The following TEX10 variants were observed in gnomAD, a reference collection of about 807,000 sequenced individuals.
The protein encoded by TEX10 is testis expressed 10, also known as testis-expressed protein 10.
Under a neutral mutation model 104.4 loss-of-function variants are expected in TEX10, and 24 were observed. The observed-to-expected ratio is 0.23, with a 90% confidence interval of 0.17 to 0.32. The LOEUF is 0.32. Ranked by LOEUF, TEX10 falls within the 10% of genes least tolerant of loss-of-function variation. The pLI, the probability that TEX10 is intolerant of heterozygous loss-of-function variation, is 1.00. For missense variants in TEX10, 921 were observed against 1,083.9 expected (o/e 0.85, Z 2.11); for synonymous variants, 396 against 393.4 (o/e 1.01, Z -0.08).
At chr9:100,324,946 T>C (rs989257823) in intron 9 of TEX10, among the ~76,000 whole-genome samples, 1 of 152,146 alleles carries the variant, frequency 6.6e-6, no homozygotes, top group African/African-American at 2.4e-5. Context: ...GGGAAACTAA[T>C]CAATATTTAA....
At chr9:100,343,732 C>CGA (rs1835230618) in intron 4 of TEX10, among the ~76,000 whole-genome samples, 1 of 152,066 alleles carries the variant, frequency 6.6e-6, no homozygotes, top group Non-Finnish European at 1.5e-5. Context: ...TATATCTAAC[C>CGA]GAGACATCAA....
intron 11 of TEX10, among the ~76,000 whole-genome samples, chr9:100,312,367 C>A (rs1834302375): frequency 6.6e-6 from 1 of 152,010 alleles, no homozygotes. Flanking sequence ...AGAGGGGTGG[C>A]AGCAAAGGAA....
chr9:100,351,384 A>C lies in TEX10; in HGVS notation c.-10+1388T>G, dbSNP rs535180510. 3.6e-3 allele frequency among the ~76,000 whole-genome samples: 504 copies of C among 140,568 alleles called. 18 individuals carry two copies. The highest frequency in any genetic ancestry group is 0.012 in the African/African-American group (464 of 37,396). The allele number at this position is 140,568 out of a possible 152,430, so 92.2% of individuals were successfully genotyped here. A position where few individuals can be genotyped will look rare whatever the true frequency, so the allele number is the denominator to read the frequency against. ...GTCTTAAAAAACAAAACAAAACAAAAAAAAAAGCTGGGGGTCGGTGGGTGG... is the reference window on the plus strand; with the variant it reads ...GTCTTAAAAAACAAAACAAAACAAACAAAAAAGCTGGGGGTCGGTGGGTGG... On this transcript the variant is annotated intron_variant, in intron 1 of 14. Transcript: ENST00000374902.
intron 12 of TEX10, among the ~76,000 whole-genome samples, chr9:100,309,666 A>C (rs1834225550): frequency 6.6e-6 from 1 of 152,260 alleles, no homozygotes; most frequent in Admixed American, 6.5e-5. Context: ...GGATGTGCCT[A>C]TATTTTATCC....
chr9:100,329,081 C>A, intron 7 of TEX10, 59 bp downstream of exon 7: 1 of 1,468,444 alleles, frequency 6.8e-7, no homozygotes, highest in Non-Finnish European at 9.1e-7. Context: ...TATTTAAATA[C>A]TTAGACTACA....
At chr9:100,348,508 C>G (rs1484850588) in intron 2 of TEX10, among the ~76,000 whole-genome samples, 1 of 152,204 alleles carries the variant, frequency 6.6e-6, no homozygotes, top group East Asian at 1.9e-4. Context: ...CTATAATAAA[C>G]TATGTGCTGT....
intron 4 of TEX10, among the ~76,000 whole-genome samples, chr9:100,344,670 C>T (rs562973291): frequency 6.6e-6 from 1 of 152,256 alleles, no homozygotes; most frequent in Admixed American, 6.5e-5. Context: ...CATGGTAAAA[C>T]CCCGTCTCTA....
chr9:100,319,249 G>C (rs577104189), intron 11 of TEX10, among the ~76,000 whole-genome samples: 22 of 152,038 alleles, frequency 1.4e-4, no homozygotes, highest in African/African-American at 5.3e-4. Context: ...ACTTTTTAAA[G>C]TCAGTAGTTA....
chr9:100,327,676 A>T, intron 8 of TEX10, 111 bp downstream of exon 8: 2 of 676,636 alleles, frequency 3.0e-6, no homozygotes, highest in Non-Finnish European at 4.5e-6. Context: ...CCATGGTATT[A>T]CTAATTCAGA....
chr9:100,347,358 C>T lies in TEX10; in HGVS notation c.229G>A (p.Ala77Thr). ...HHYNAGVKQSALLGLKDLLSQ... is the reference protein window; with the variant it reads ...HHYNAGVKQSTLLGLKDLLSQ... ...AAAAGGTCTTTAAGTCCAAGAAGAG[C>T]ACTTTGTTTAACCCCAGCATTGTAG... is the stretch of plus-strand genomic sequence containing the variant. Residue 77 changes from alanine to threonine, a missense_variant, in exon 3 of 15, where the codon GCT becomes ACT. Physicochemically the swap from Ala to Thr is moderately conservative, Grantham distance 58. Transcript: ENST00000374902. 1 of 1,611,564 alleles carries T rather than the reference C, an allele frequency of 6.2e-7. No individual in the cohort carries two copies. The highest frequency in any genetic ancestry group is 8.5e-7 in the Non-Finnish European group (1 of 1,178,868).
At chr9:100,328,140 C>G (rs1400709434) in intron 7 of TEX10, among the ~76,000 whole-genome samples, 178 bp from the exon 8 acceptor site, 1 of 152,024 alleles carries the variant, frequency 6.6e-6, no homozygotes, top group Non-Finnish European at 1.5e-5. Context: ...CATCATTTTC[C>G]AAGGCTTTAC....
intron 1 of TEX10, 106 bp downstream of exon 1, chr9:100,352,666 C>T: frequency 2.1e-6 from 3 of 1,409,894 alleles, no homozygotes; most frequent in Non-Finnish European, 2.8e-6. Flanking sequence ...GCAAATCGTG[C>T]ACGGCCGACC....
intron 7 of TEX10, 25 bp from the exon 8 acceptor site, chr9:100,327,987 A>C (rs199968413): frequency 6.7e-7 from 1 of 1,489,482 alleles, no homozygotes; most frequent in East Asian, 2.3e-5. Context: ...AGAAGAATAA[A>C]ATGTAATACT....
chr9:100,319,695 A>G (rs1318674512), intron 11 of TEX10, among the ~76,000 whole-genome samples: 1 of 152,040 alleles, frequency 6.6e-6, no homozygotes, highest in Non-Finnish European at 1.5e-5. Context: ...AATCCCAGCT[A>G]CTTGGGAGGC....
chr9:100,347,289 A>C lies in TEX10; in HGVS notation c.298T>G (p.Leu100Val). The C allele has an allele frequency of 6.2e-7, 1 of 1,614,176 alleles. No individual in the cohort carries two copies. The highest frequency in any genetic ancestry group is 8.5e-7 in the Non-Finnish European group (1 of 1,180,012). The stretch of plus-strand genomic sequence containing the variant: ...GTAAACACAGCAGTCACTTCACTTA[A>C]TATGTTTGAAAGGTGTGCATCAATT... ...FIIDAHLSNILSEVTAVFTDK... is the reference protein window; with the variant it reads ...FIIDAHLSNIVSEVTAVFTDK... Residue 100 changes from leucine to valine, a missense_variant, in exon 3 of 15, where the codon TTA becomes GTA. By Grantham distance (32) the Leu-to-Val change is conservative. Coordinates refer to ENST00000374902, the MANE Select transcript of TEX10 (RefSeq NM_017746.4).
At chr9:100,344,728 C>A (rs1334253324) in intron 4 of TEX10, among the ~76,000 whole-genome samples, 2 of 152,174 alleles carry the variant, frequency 1.3e-5, no homozygotes, top group African/African-American at 4.8e-5. Context: ...CACCTGTAAG[C>A]CTAGCTACTC....
intron 4 of TEX10, among the ~76,000 whole-genome samples, chr9:100,341,486 T>C (rs1216913272): frequency 1.4e-5 from 2 of 147,090 alleles, no homozygotes; most frequent in African/African-American, 5.1e-5. Context: ...ATGACTTTCT[T>C]TCTCATTTGG....
chr9:100,347,707 C>G (rs1034595922), intron 2 of TEX10, among the ~76,000 whole-genome samples: 1 of 152,126 alleles, frequency 6.6e-6, no homozygotes, highest in African/African-American at 2.4e-5. Context: ...TGAAAACCTA[C>G]TAGGTACCAA....
At chr9:100,318,261 C>G (rs1208618016) in intron 11 of TEX10, among the ~76,000 whole-genome samples, 1 of 152,180 alleles carries the variant, frequency 6.6e-6, no homozygotes, top group Non-Finnish European at 1.5e-5. Flanking sequence ...GATATTTACA[C>G]ACAATGAAAT....
Sources: allele counts gnomAD v4.1 joint callset (sites outside exome capture counted in the v4.1 genomes callset), GRCh38; gene constraint gnomAD v4.1.1; transcripts MANE v1.5; gene names NCBI Gene and HGNC (gene_info 2026-07-23, HGNC 2026-07-21).